Variants in PSPC1 observed in about 807,000 individuals in gnomAD.
The protein encoded by PSPC1 is paraspeckle protein 1.
Under a neutral mutation model 51.6 loss-of-function variants are expected in PSPC1, and 14 were observed. The ratio of observed to expected loss-of-function variants is 0.27; its 90% CI spans 0.18 to 0.42. The LOEUF is 0.42. PSPC1 is among the 10% of genes least tolerant of loss of function. The pLI is 1.00. For synonymous variants in PSPC1, 193 were observed against 231.9 expected (o/e 0.83, Z 1.53); for missense variants, 406 against 701.1 (o/e 0.58, Z 4.75).
At chr13:19,769,419 GCGGCATGAGCCTGTAGT>G (rs1888402678) in intron 2 of PSPC1, among the ~76,000 whole-genome samples, 1 of 152,202 alleles carries the variant, frequency 6.6e-6, no homozygotes, top group African/African-American at 2.4e-5. Context: ...GCCGGGCGTG[GCGGCATGAGCCTGTAGT>G]CCCAGCTACT....
At chr13:19,739,716 C>G (rs925647494) in intron 5 of PSPC1, among the ~76,000 whole-genome samples, 14 of 151,764 alleles carry the variant, frequency 9.2e-5, no homozygotes, top group African/African-American at 3.4e-4. Context: ...GCATTCAAGC[C>G]TGGGCAGCAA....
chr13:19,730,487 C>T lies in PSPC1; in HGVS notation c.1053-143G>A, dbSNP rs375714003. ...GACTGACCACGGCATCCTAAATTTA[C>T]CTTCCTTCTATGTCACTCCAAGCCT... On this transcript the variant is annotated intron_variant, in intron 5 of 8. Coordinates refer to ENST00000338910, the MANE Select transcript of PSPC1 (RefSeq NM_001354909.2). The T allele has an allele frequency of 3.5e-5, 24 of 685,580 alleles. No individual in the cohort carries two copies. In the African/African-American group the frequency reaches 3.7e-4, roughly 11 times the overall value. The allele number at this position is 685,580 out of a possible 1,614,324, so 42.5% of individuals were successfully genotyped here.
intron 2 of PSPC1, among the ~76,000 whole-genome samples, chr13:19,760,349 G>A (rs983875166): frequency 2.6e-5 from 4 of 151,976 alleles, no homozygotes; most frequent in Admixed American, 1.3e-4. Flanking sequence ...CCAACGTGGT[G>A]AAACCCCGTT....
chr13:19,698,396 T>A (rs1239801286), downstream of PSPC1, among the ~76,000 whole-genome samples: 2 of 151,976 alleles, frequency 1.3e-5, no homozygotes, highest in Non-Finnish European at 2.9e-5. Context: ...TTAAAAAATA[T>A]AAGGTCCACT....
intron 6 of PSPC1, among the ~76,000 whole-genome samples, chr13:19,729,419 C>G (rs1883767122): frequency 6.6e-6 from 1 of 151,880 alleles, no homozygotes; most frequent in East Asian, 1.9e-4. Context: ...CACCTGTAAT[C>G]CCAGCTACTT....
At chr13:19,689,077 A>C (rs1004528674) in intron 6 of PSPC1, among the ~76,000 whole-genome samples, 3 of 152,202 alleles carry the variant, frequency 2.0e-5, no homozygotes, top group Non-Finnish European at 2.9e-5. Context: ...ACAAACAGAA[A>C]ACTTATAGTC....
At chr13:19,706,802 A>G (rs930463552) in intron 7 of PSPC1, among the ~76,000 whole-genome samples, 4 of 152,162 alleles carry the variant, frequency 2.6e-5, no homozygotes, top group Non-Finnish European at 5.9e-5. Context: ...TAAGAACTCA[A>G]TTTCTCAAAT....
At chr13:19,678,351 C>T (rs921294352) in intron 6 of PSPC1, 4 of 153,414 alleles carry the variant, frequency 2.6e-5, no homozygotes, top group African/African-American at 9.6e-5. Context: ...GATCAATGTT[C>T]TTCAAAGAGC....
At chr13:19,706,854 T>C (rs1162436152) in intron 7 of PSPC1, among the ~76,000 whole-genome samples, 5 of 152,182 alleles carry the variant, frequency 3.3e-5, no homozygotes, top group Admixed American at 3.3e-4. Flanking sequence ...GGCTGAGTCC[T>C]TACCAGCCCC....
In PSPC1 at chr13:19,734,465, A is replaced by G. The variant is rs1884519285; in HGVS notation, c.1053-4121T>C. On this transcript the variant is annotated intron_variant, in intron 5 of 8. Transcript: ENST00000338910. ...GGCTCCACATCCAACACAGAGCCCA[A>G]GACAGAAGAAGGGCTTTATAATAAT... 1.3e-5 allele frequency among the ~76,000 whole-genome samples: 2 copies of G among 152,198 alleles called. 1 individual carries two copies. The highest frequency in any genetic ancestry group is 4.1e-4 in the South Asian group (2 of 4,836).
intron 2 of PSPC1, among the ~76,000 whole-genome samples, chr13:19,764,909 T>C (rs1486301573): frequency 6.6e-6 from 1 of 150,624 alleles, no homozygotes; most frequent in Non-Finnish European, 1.5e-5. Flanking sequence ...AATTTTTTTA[T>C]TTTTCTTTTG....
chr13:19,690,574 A>C (rs915824711), intron 6 of PSPC1, among the ~76,000 whole-genome samples: 4 of 152,220 alleles, frequency 2.6e-5, no homozygotes, highest in African/African-American at 9.6e-5. Flanking sequence ...AGGCGTTTTA[A>C]ACTTACTTCC....
intron 3 of PSPC1, among the ~76,000 whole-genome samples, chr13:19,753,506 A>T (rs1184283340): frequency 6.6e-6 from 1 of 152,214 alleles, no homozygotes; most frequent in African/African-American, 2.4e-5. Flanking sequence ...CTGGGATTAC[A>T]GGTGGGAGCC....
intron 5 of PSPC1, among the ~76,000 whole-genome samples, chr13:19,739,514 G>A (rs1300766130): frequency 4.6e-5 from 7 of 152,216 alleles, no homozygotes; most frequent in South Asian, 4.1e-4. Context: ...TTGGGAGGCC[G>A]AGGCAGGTAG....
intron 6 of PSPC1, among the ~76,000 whole-genome samples, chr13:19,697,300 C>A (rs1335883858): frequency 6.6e-6 from 1 of 152,178 alleles, no homozygotes; most frequent in African/African-American, 2.4e-5. Context: ...CCAGGTGATT[C>A]TAATGCATGC....
chr13:19,745,753 G>A (rs1044496751), intron 4 of PSPC1, among the ~76,000 whole-genome samples: 20 of 150,860 alleles, frequency 1.3e-4, no homozygotes, highest in African/African-American at 4.6e-4. Flanking sequence ...CCAAGTAGCT[G>A]GGACTACAGG....
downstream of PSPC1, chr13:19,672,843 T>A (rs1383719331): frequency 3.0e-6 from 1 of 331,730 alleles, no homozygotes; most frequent in Non-Finnish European, 5.9e-6. Context: ...CTCACACCTA[T>A]AATCCCAGCG....
At chr13:19,705,493 C>CAAA (rs397797926) in intron 8 of PSPC1, among the ~76,000 whole-genome samples, 169 bp downstream of exon 8, 2 of 129,210 alleles carry the variant, frequency 1.5e-5, no homozygotes, top group Non-Finnish European at 1.7e-5. Context: ...CTCTCTGTCT[C>CAAA]AAAAAAAAAA....
chr13:19,671,871 A>G, downstream of PSPC1: 2 of 1,614,126 alleles, frequency 1.2e-6, no homozygotes, highest in Non-Finnish European at 1.7e-6. Flanking sequence ...GTGCAGCTGC[A>G]GTGACCAAAC....
Sources: gnomAD v4.1 joint callset for allele counts (sites outside exome capture counted in the v4.1 genomes callset) on GRCh38, gnomAD v4.1.1 for gene constraint, MANE v1.5 for transcripts, NCBI Gene and HGNC (gene_info 2026-07-23, HGNC 2026-07-21) for gene names.